SEM1: variants seen among roughly 807,000 people sequenced by gnomAD.
SEM1 encodes the protein 26S proteasome complex subunit SEM1.
Under a neutral mutation model 12.7 loss-of-function variants are expected in SEM1, and 3 were observed. That is an observed-to-expected ratio of 0.24 (90% confidence interval 0.11 to 0.61). The LOEUF (loss-of-function observed/expected upper bound fraction) is 0.61. Among genes scored for constraint, SEM1 ranks in the 20% least tolerant of loss-of-function variants. SEM1 has a pLI of 0.88. For synonymous variants in SEM1, 30 were observed against 27.8 expected (o/e 1.08, Z -0.25); for missense variants, 59 against 81.3 (o/e 0.73, Z 1.06).
chr7:96,610,947 G>C (rs765905380), intron 2 of SEM1, among the ~76,000 whole-genome samples: 3 of 152,128 alleles, frequency 2.0e-5, no homozygotes, highest in Non-Finnish European at 4.4e-5. Context: ...TCCCTTATTT[G>C]CCTAAGGGTA....
upstream of SEM1, among the ~76,000 whole-genome samples, chr7:96,500,438 A>G (rs1803486112): frequency 6.6e-6 from 1 of 152,232 alleles, no homozygotes; most frequent in South Asian, 2.1e-4. Flanking sequence ...TAACTACCAA[A>G]TAATCAAGTC....
At chr7:96,508,448 T>C (rs1803825082) in intron 2 of SEM1, among the ~76,000 whole-genome samples, 1 of 151,988 alleles carries the variant, frequency 6.6e-6, no homozygotes, top group African/African-American at 2.4e-5. Context: ...AACAGTGCAA[T>C]TACAAAATAC....
chr7:96,559,275 C>T (rs1057109910), intron 2 of SEM1, among the ~76,000 whole-genome samples: 1 of 152,088 alleles, frequency 6.6e-6, no homozygotes, highest in African/African-American at 2.4e-5. Flanking sequence ...TTTACTCCCA[C>T]CCCCTAAACA....
At chr7:96,520,484 CACTTG>C (rs1244757195) in intron 2 of SEM1, among the ~76,000 whole-genome samples, 2 of 152,128 alleles carry the variant, frequency 1.3e-5, no homozygotes, top group East Asian at 1.9e-4. Context: ...GCTGATATAA[CACTTG>C]ACTTCTTTAT....
chr7:96,669,457 A>G (rs1789255368), downstream of SEM1, among the ~76,000 whole-genome samples: 1 of 152,178 alleles, frequency 6.6e-6, no homozygotes, highest in Non-Finnish European at 1.5e-5. Flanking sequence ...TGAATCAGAA[A>G]ATGGTATAGA....
At chr7:96,673,894 G>A (rs998489672) in intron 2 of SEM1, 5 of 760,896 alleles carry the variant, frequency 6.6e-6, no homozygotes, top group Non-Finnish European at 1.2e-5. Flanking sequence ...AAACTTTTAA[G>A]TATCAAGCCA....
chr7:96,625,279 T>C (rs1808026422), intron 2 of SEM1, among the ~76,000 whole-genome samples: 2 of 152,228 alleles, frequency 1.3e-5, no homozygotes, highest in Non-Finnish European at 1.5e-5. Flanking sequence ...TTACATTAAG[T>C]GCATGAAGGC....
intron 2 of SEM1, among the ~76,000 whole-genome samples, chr7:96,520,377 G>A (rs1452186927): frequency 6.6e-6 from 1 of 152,124 alleles, no homozygotes; most frequent in Non-Finnish European, 1.5e-5. Flanking sequence ...TAGAACTTTT[G>A]TGAGAATCAG....
At chr7:96,615,830 A>AGTT (rs1807701770) in intron 2 of SEM1, among the ~76,000 whole-genome samples, 1 of 152,124 alleles carries the variant, frequency 6.6e-6, no homozygotes, top group Non-Finnish European at 1.5e-5. Context: ...TCCCACTTGT[A>AGTT]AGTGTTAAGT....
At chr7:96,520,979 C>G (rs950510429) in intron 2 of SEM1, among the ~76,000 whole-genome samples, 2 of 152,058 alleles carry the variant, frequency 1.3e-5, no homozygotes, top group South Asian at 4.2e-4. Flanking sequence ...CATGCAATGC[C>G]GAAGCTGACA....
intron 2 of SEM1, among the ~76,000 whole-genome samples, chr7:96,549,534 G>A (rs539107928): frequency 1.6e-4 from 25 of 152,194 alleles, no homozygotes; most frequent in African/African-American, 5.5e-4. Context: ...TATGAGCAGG[G>A]ACAGACTTTT....
chr7:96,556,286 C>T (rs1335939897), intron 2 of SEM1, among the ~76,000 whole-genome samples: 5 of 151,206 alleles, frequency 3.3e-5, no homozygotes, highest in Non-Finnish European at 5.9e-5. Context: ...TTCCTAGTCT[C>T]AATGGTCTTT....
downstream of SEM1, among the ~76,000 whole-genome samples, chr7:96,687,228 C>A (rs1334929255): frequency 3.9e-5 from 6 of 152,104 alleles, no homozygotes; most frequent in African/African-American, 1.4e-4. Flanking sequence ...GTCAGTGTGG[C>A]GATTCCTCAG....
chr7:96,706,796 G>A (rs558225766), intron 1 of SEM1, among the ~76,000 whole-genome samples: 1 of 152,064 alleles, frequency 6.6e-6, no homozygotes, highest in Non-Finnish European at 1.5e-5. Context: ...CCCGAGAGTG[G>A]ATAAAATCCA....
intron 2 of SEM1, among the ~76,000 whole-genome samples, chr7:96,667,205 T>A (rs1262782430): frequency 1.3e-5 from 2 of 152,184 alleles, no homozygotes; most frequent in Non-Finnish European, 2.9e-5. Flanking sequence ...AAGGTCCTCC[T>A]TAAAGTGTGT....
intron 2 of SEM1, among the ~76,000 whole-genome samples, chr7:96,580,436 G>T (rs2116050572): frequency 6.6e-6 from 1 of 151,238 alleles, no homozygotes; most frequent in South Asian, 2.1e-4. Flanking sequence ...ACATACATGT[G>T]CATGTGTCTT....
At chr7:96,509,153 ATTTTTT>A (rs71127457) in intron 2 of SEM1, among the ~76,000 whole-genome samples, 1 of 120,852 alleles carries the variant, frequency 8.3e-6, no homozygotes, top group African/African-American at 3.1e-5. Context: ...CGTCCAGCTA[ATTTTTT>A]TTTTTTTTTT....
Position 96,622,633 on chromosome 7 carries a change from T to C in SEM1, c.181A>G (p.Ser61Gly), listed in dbSNP as rs371985644. The C allele has an allele frequency of 5.6e-5, 43 of 764,922 alleles. No homozygotes were observed. In the African/African-American group the frequency reaches 6.4e-4, roughly 11 times the overall value. 47.4% of individuals were successfully genotyped at this position (764,922 alleles called of 1,614,324 possible). A position where few individuals can be genotyped will look rare whatever the true frequency, so the allele number is the denominator to read the frequency against. The change falls in exon 3 of 3, where the codon AGT becomes GGT. Residue 61 changes from serine to glycine, a missense_variant. Transcript: ENST00000417009. The stretch of plus-strand genomic sequence containing the variant: ...TCTCCCCGCTATTCCTCCAGTTCAC[T>C]GTATCCAGCCCTGGAAAAATTAGAA...
intron 2 of SEM1, among the ~76,000 whole-genome samples, chr7:96,591,131 T>G (rs1359198202): frequency 1.3e-5 from 2 of 152,222 alleles, no homozygotes; most frequent in East Asian, 3.8e-4. Flanking sequence ...TTCCCCCTTT[T>G]GTTTTTCATG....
Sources: gnomAD v4.1 joint callset for allele counts (sites outside exome capture counted in the v4.1 genomes callset) on GRCh38, gnomAD v4.1.1 for gene constraint, MANE v1.5 for transcripts, NCBI Gene and HGNC (gene_info 2026-07-23, HGNC 2026-07-21) for gene names.